The following PXDNL variants were observed in gnomAD, a reference collection of about 807,000 sequenced individuals.
PXDNL encodes peroxidasin like.
Under a neutral mutation model 150.8 loss-of-function variants are expected in PXDNL, and 145 were observed. The observed-to-expected ratio is 0.96, with a 90% CI of 0.84 to 1.10. PXDNL has a LOEUF of 1.10. PXDNL is among the 50% of genes least tolerant of loss of function. The probability of loss-of-function intolerance (pLI) is 0.00; values close to 1 mark genes in which losing one functional copy is unlikely to be tolerated. For missense variants in PXDNL, 2,087 were observed against 1,873.9 expected (o/e 1.11, Z -2.10); for synonymous variants, 757 against 725.7 (o/e 1.04, Z -0.69).
chr8:51,477,314 C>A (rs1364794571), intron 6 of PXDNL, among the ~76,000 whole-genome samples: 1 of 152,152 alleles, frequency 6.6e-6, no homozygotes, highest in Non-Finnish European at 1.5e-5. Context: ...GTTAGTTAAC[C>A]ATACACATAT....
intron 3 of PXDNL, 68 bp from the exon 4 acceptor site, chr8:51,556,979 T>C: frequency 1.1e-6 from 1 of 908,196 alleles, no homozygotes; most frequent in African/African-American, 1.7e-5. Flanking sequence ...AGATACAAAC[T>C]TTTTAAACTA....
intron 2 of PXDNL, 109 bp downstream of exon 2, chr8:51,654,580 G>A (rs892569292): frequency 1.3e-6 from 1 of 787,632 alleles, no homozygotes; most frequent in Admixed American, 2.1e-5. Context: ...TCTACAAGGT[G>A]TCATTCTTCT....
At chr8:51,740,994 T>C (rs1366407904) in intron 1 of PXDNL, among the ~76,000 whole-genome samples, 2 of 152,206 alleles carry the variant, frequency 1.3e-5, no homozygotes, top group African/African-American at 2.4e-5. Flanking sequence ...TAGGCAGAAG[T>C]TCCTCCTTTT....
At chr8:51,362,859 T>C (rs1268080015) in intron 19 of PXDNL, among the ~76,000 whole-genome samples, 2 of 152,258 alleles carry the variant, frequency 1.3e-5, no homozygotes, top group African/African-American at 2.4e-5. Flanking sequence ...GTGTATGTGA[T>C]AAAATTTGGT....
Position 51,423,696 on chromosome 8 carries a change from A to T in PXDNL, c.1674T>A (p.His558Gln). ...TAGTCAGCGTGCCTTCATCATCCAC[A>T]TGGAATTTACCACTCTCAGTAATCT... ...GVQITESGKFHVDDEGTLTIY... is the reference protein window; with the variant it reads ...GVQITESGKFQVDDEGTLTIY... Residue 558 changes from histidine (H) to glutamine (Q), a missense_variant, in exon 14 of 23, where the codon CAT becomes CAA. Transcript: ENST00000356297. 1 of 1,613,900 alleles carries T rather than the reference A, an allele frequency of 6.2e-7. No homozygotes were observed. Among genetic ancestry groups the T allele is most frequent in the Non-Finnish European group, 8.5e-7 (1 of 1,179,796 alleles).
chr8:51,559,950 A>G (rs1012964485), intron 3 of PXDNL, among the ~76,000 whole-genome samples: 1 of 152,086 alleles, frequency 6.6e-6, no homozygotes, highest in African/African-American at 2.4e-5. Flanking sequence ...AAGGAAAATT[A>G]AGAAAAACAA....
chr8:51,447,194 T>C lies in PXDNL; in HGVS notation c.1367-32A>G, dbSNP rs1809696379. The stretch of plus-strand genomic sequence containing the variant: ...AAAGAGGTAAAGAAAGTATTCTTCA[T>C]GGCCCAGAGCACTGAAAGCCAGAGC... On this transcript the variant is annotated intron_variant, in intron 11 of 22. Coordinates refer to ENST00000356297, the MANE Select transcript of PXDNL (RefSeq NM_144651.5). 3 of 1,608,790 alleles carry C rather than the reference T, an allele frequency of 1.9e-6. No homozygotes were observed. The East Asian group carries it at 6.7e-5, about 36-fold the overall frequency.
chr8:51,649,620 TA>T (rs1814993377), intron 2 of PXDNL, among the ~76,000 whole-genome samples: 2 of 152,228 alleles, frequency 1.3e-5, no homozygotes, highest in African/African-American at 4.8e-5. Context: ...TTATAATTTT[TA>T]ATTTTATATT....
At chr8:51,413,801 C>T (rs568447382) in intron 14 of PXDNL, among the ~76,000 whole-genome samples, 4 of 152,100 alleles carry the variant, frequency 2.6e-5, no homozygotes, top group African/African-American at 9.7e-5. Context: ...TTACTTACAG[C>T]TGATCATTTC....
At chr8:51,458,129 T>A (rs1197550738) in intron 8 of PXDNL, among the ~76,000 whole-genome samples, 1 of 152,234 alleles carries the variant, frequency 6.6e-6, no homozygotes, top group Admixed American at 6.5e-5. Context: ...CAGCACGGGC[T>A]CAAAGCCAAG....
intron 19 of PXDNL, 58 bp from the exon 20 acceptor site, chr8:51,346,005 T>C (rs868440408): frequency 1.1e-5 from 11 of 1,040,168 alleles, no homozygotes; most frequent in Non-Finnish European, 1.7e-5. Context: ...CATGATCTCA[T>C]CTAGATCATT....
At chr8:51,473,897 G>A (rs1398752828) in intron 7 of PXDNL, among the ~76,000 whole-genome samples, 1 of 152,100 alleles carries the variant, frequency 6.6e-6, no homozygotes. Context: ...GATGTATTAA[G>A]ATGTGTTTTT....
intron 1 of PXDNL, among the ~76,000 whole-genome samples, chr8:51,715,783 G>T (rs1816605312): frequency 6.6e-6 from 1 of 152,142 alleles, no homozygotes; most frequent in Non-Finnish European, 1.5e-5. Context: ...AGTAACCTAA[G>T]GCAGGAGTAA....
chr8:51,338,760 C>G (rs928334438), intron 21 of PXDNL, among the ~76,000 whole-genome samples: 2 of 152,182 alleles, frequency 1.3e-5, no homozygotes, highest in Non-Finnish European at 2.9e-5. Context: ...GATTCATCCT[C>G]AAGTTTTTGG....
chr8:51,525,061 G>A (rs1221535424), intron 4 of PXDNL, among the ~76,000 whole-genome samples: 1 of 152,002 alleles, frequency 6.6e-6, no homozygotes, highest in African/African-American at 2.4e-5. Flanking sequence ...CAATTTTAAA[G>A]CAAACACTGC....
intron 4 of PXDNL, among the ~76,000 whole-genome samples, chr8:51,512,288 T>G (rs1289376010): frequency 6.6e-6 from 1 of 152,138 alleles, no homozygotes; most frequent in African/African-American, 2.4e-5. Flanking sequence ...CTGAGCCTCC[T>G]GAGATGTGAG....
At chr8:51,347,550 C>T (rs563463629) in intron 19 of PXDNL, among the ~76,000 whole-genome samples, 8 of 152,232 alleles carry the variant, frequency 5.3e-5, no homozygotes, top group South Asian at 2.1e-4. Flanking sequence ...CAATTAAAAA[C>T]GTCTTTATTT....
intron 1 of PXDNL, among the ~76,000 whole-genome samples, chr8:51,784,253 T>C (rs969248945): frequency 6.6e-6 from 1 of 152,258 alleles, no homozygotes; most frequent in African/African-American, 2.4e-5. Flanking sequence ...ATCACTTTTA[T>C]ATTTGTTAAT....
chr8:51,653,666 G>A (rs1411494454), intron 2 of PXDNL, among the ~76,000 whole-genome samples: 6 of 152,156 alleles, frequency 3.9e-5, no homozygotes, highest in Non-Finnish European at 7.3e-5. Context: ...GTGTGTTCCG[G>A]CATCAGTTAC....
Sources: allele counts gnomAD v4.1 joint callset (sites outside exome capture counted in the v4.1 genomes callset), GRCh38; gene constraint gnomAD v4.1.1; transcripts MANE v1.5; gene names NCBI Gene and HGNC (gene_info 2026-07-23, HGNC 2026-07-21).